INPP5A: variants seen among roughly 807,000 people sequenced by gnomAD.
INPP5A encodes inositol polyphosphate-5-phosphatase A.
INPP5A carries 14 observed loss-of-function variants against 65.2 expected under a neutral mutation model. The observed-to-expected ratio is 0.21, with a 90% CI of 0.14 to 0.34. The LOEUF (loss-of-function observed/expected upper bound fraction) is 0.34, where lower values mean the gene tolerates loss of function less well. Ranked by LOEUF, INPP5A falls within the 10% of genes least tolerant of loss-of-function variation. The pLI is 1.00. For missense variants in INPP5A, 431 were observed against 545.6 expected (o/e 0.79, Z 2.09); for synonymous variants, 207 against 208.3 (o/e 0.99, Z 0.05).
intron 1 of INPP5A, among the ~76,000 whole-genome samples, chr10:132,566,110 T>TA (rs2071271697): frequency 6.6e-6 from 1 of 152,184 alleles, no homozygotes; most frequent in Non-Finnish European, 1.5e-5. Context: ...CTGTCAAACT[T>TA]AAAACAGTTT....
At chr10:132,735,018 T>G (rs1028084224) in intron 9 of INPP5A, among the ~76,000 whole-genome samples, 5 of 152,132 alleles carry the variant, frequency 3.3e-5, no homozygotes, top group Non-Finnish European at 7.4e-5. Context: ...CTTAGAAGTG[T>G]TGTCTGCTCC....
intron 2 of INPP5A, among the ~76,000 whole-genome samples, chr10:132,621,208 C>T (rs1341435734): frequency 6.6e-6 from 1 of 152,210 alleles, no homozygotes; most frequent in Non-Finnish European, 1.5e-5. Flanking sequence ...TACCTGAAGA[C>T]TGGGAACAGG....
rs1365596215 is a variant in INPP5A at position 132,619,652 on chromosome 10, C to T, written c.117+11696C>T. Among the ~76,000 whole-genome samples the T allele has an allele frequency of 2.6e-5, 4 of 152,228 alleles. No individual in the cohort carries two copies. The East Asian group carries it at 7.7e-4, about 29-fold the overall frequency. ...AGGTTCTGTGAGGGCTGCACCCCTGCAGCAGGCTTTTGCCTGGGCACCTGG... is the reference window on the plus strand; with the variant it reads ...AGGTTCTGTGAGGGCTGCACCCCTGTAGCAGGCTTTTGCCTGGGCACCTGG... On this transcript the variant is annotated intron_variant, in intron 2 of 15. Coordinates refer to ENST00000368594, the MANE Select transcript of INPP5A (RefSeq NM_005539.5).
intron 1 of INPP5A, among the ~76,000 whole-genome samples, chr10:132,585,224 TAAATA>T (rs2071532538): frequency 6.6e-6 from 1 of 152,226 alleles, no homozygotes; most frequent in African/African-American, 2.4e-5. Context: ...AACAGGTACC[TAAATA>T]AAATATGTTC....
At position 132,555,310 on chromosome 10, in the gene INPP5A, C is replaced by T. The variant is rs531907506; in HGVS notation, c.75+17139C>T. 5.9e-4 allele frequency among the ~76,000 whole-genome samples: 90 copies of T among 152,142 alleles called. No individual in the cohort carries two copies. The highest frequency in any genetic ancestry group is 1.1e-3 in the Non-Finnish European group (73 of 67,996). On this transcript the variant is annotated intron_variant, in intron 1 of 15. Transcript: ENST00000368594. The surrounding 1 kb of genome is among the most constrained non-coding windows in gnomAD (Gnocchi z 4.4). ...CTCTGTGAGACCAGTGAGAAGATGT[C>T]GTAGGAGAGGCTGTTGTCCCCTGAG... is the stretch of plus-strand genomic sequence containing the variant.
At chr10:132,701,641 G>A (rs944980983) in intron 6 of INPP5A, among the ~76,000 whole-genome samples, 6 of 152,224 alleles carry the variant, frequency 3.9e-5, no homozygotes, top group African/African-American at 1.4e-4. Flanking sequence ...TTGGGTGTGG[G>A]GTGCATCCAC....
At chr10:132,728,746 G>A (rs548818678) in intron 9 of INPP5A, among the ~76,000 whole-genome samples, 1 of 152,354 alleles carries the variant, frequency 6.6e-6, no homozygotes, top group African/African-American at 2.4e-5. Context: ...TTTTCCTTCT[G>A]GTAGAGCAAA....
intron 9 of INPP5A, among the ~76,000 whole-genome samples, chr10:132,739,396 C>T (rs903508843): frequency 1.3e-5 from 2 of 152,218 alleles, no homozygotes; most frequent in African/African-American, 4.8e-5. Flanking sequence ...GTGTGAGGCC[C>T]GTGGTGGGGG....
At chr10:132,561,147 C>T (rs1029181000) in intron 1 of INPP5A, among the ~76,000 whole-genome samples, 14 of 149,736 alleles carry the variant, frequency 9.3e-5, no homozygotes, top group Middle Eastern at 3.2e-3. Flanking sequence ...ATTGCAACCT[C>T]GACCTCCTGG....
chr10:132,559,250 C>G (rs924407991), intron 1 of INPP5A, among the ~76,000 whole-genome samples: 2 of 152,222 alleles, frequency 1.3e-5, no homozygotes, highest in Non-Finnish European at 2.9e-5. Context: ...TCTCCCCGGC[C>G]CTGCTGAGTG....
In INPP5A at chr10:132,539,456, A is replaced by G. The variant is rs1247787544; in HGVS notation, c.75+1285A>G. On this transcript the variant is annotated intron_variant, in intron 1 of 15. Transcript: ENST00000368594. Reference sequence around the variant, plus strand: ...GCCTTTACCTTCTAGGGCCCCTCCCACCCAAGCCTCATTCCCACCCAGGAT... The same window carrying G: ...GCCTTTACCTTCTAGGGCCCCTCCCGCCCAAGCCTCATTCCCACCCAGGAT... Among the ~76,000 whole-genome samples the G allele has an allele frequency of 5.3e-5, 8 of 151,808 alleles. No homozygotes were observed. The South Asian group carries it at 1.7e-3, about 32-fold the overall frequency.
At position 132,704,445 on chromosome 10, in the gene INPP5A, G is replaced by A. The variant is rs1288969501; in HGVS notation, c.475-3868G>A. Among the ~76,000 whole-genome samples the A allele has an allele frequency of 3.3e-5, 5 of 152,258 alleles. No homozygotes were observed. The South Asian group carries it at 6.2e-4, about 19-fold the overall frequency. ...CTCAGTTTCCCTTTCTGGTCGGCCCGAGGGTTGGGTGTGTGCCTGTGTGTT... is the reference window on the plus strand; with the variant it reads ...CTCAGTTTCCCTTTCTGGTCGGCCCAAGGGTTGGGTGTGTGCCTGTGTGTT... On this transcript the variant is annotated intron_variant, in intron 6 of 15. Transcript: ENST00000368594. The surrounding 1 kb of genome is among the most constrained non-coding windows in gnomAD (Gnocchi z 4.5).
chr10:132,708,839 G>T (rs759953731), intron 7 of INPP5A, among the ~76,000 whole-genome samples: 1 of 152,188 alleles, frequency 6.6e-6, no homozygotes, highest in East Asian at 1.9e-4. Context: ...TCTCGATAGC[G>T]CCGCCCCACC....
At chr10:132,780,457 A>G (rs1365983487) in intron 13 of INPP5A, among the ~76,000 whole-genome samples, 1 of 152,378 alleles carries the variant, frequency 6.6e-6, no homozygotes, top group South Asian at 2.1e-4. Context: ...GCACACCTGC[A>G]CAGAAAGCTG....
chr10:132,564,256 G>C (rs1457191926), intron 1 of INPP5A, among the ~76,000 whole-genome samples: 1 of 152,174 alleles, frequency 6.6e-6, no homozygotes, highest in Non-Finnish European at 1.5e-5. Flanking sequence ...GGTGACACAT[G>C]ATCCTGGGGA....
intron 4 of INPP5A, among the ~76,000 whole-genome samples, chr10:132,681,164 G>A (rs1005132977): frequency 6.6e-6 from 1 of 152,226 alleles, no homozygotes; most frequent in Admixed American, 6.5e-5. Context: ...CTCAGGGATT[G>A]TAAACGCACC....
At chr10:132,760,548 C>T (rs766257591) in intron 11 of INPP5A, among the ~76,000 whole-genome samples, 3 of 152,362 alleles carry the variant, frequency 2.0e-5, no homozygotes, top group Non-Finnish European at 4.4e-5. Flanking sequence ...GAATGCTGAT[C>T]CGGGACAACT....
At chr10:132,608,924 G>A (rs974260184) in intron 2 of INPP5A, among the ~76,000 whole-genome samples, 1 of 152,314 alleles carries the variant, frequency 6.6e-6, no homozygotes, top group Non-Finnish European at 1.5e-5. Flanking sequence ...TGGGCCAGAG[G>A]TGGAGCTGGG....
intron 1 of INPP5A, among the ~76,000 whole-genome samples, chr10:132,539,152 C>T (rs912433371): frequency 6.6e-6 from 1 of 152,110 alleles, no homozygotes; most frequent in Non-Finnish European, 1.5e-5. Flanking sequence ...AAACCCTAAC[C>T]CTTGACTCCC....
Sources: allele counts gnomAD v4.1 joint callset (sites outside exome capture counted in the v4.1 genomes callset), GRCh38; gene constraint gnomAD v4.1.1; non-coding constraint Gnocchi (gnomAD v3.1); transcripts MANE v1.5; gene names NCBI Gene and HGNC (gene_info 2026-07-23, HGNC 2026-07-21).